CNTNAP5: variants seen among roughly 807,000 people sequenced by gnomAD.
CNTNAP5 encodes contactin-associated protein-like 5.
CNTNAP5 carries 72 observed loss-of-function variants against 150.2 expected under a neutral mutation model. That is an observed-to-expected ratio of 0.48 (90% CI 0.40 to 0.58). CNTNAP5 has a LOEUF of 0.58. Among genes scored for constraint, CNTNAP5 ranks in the 20% least tolerant of loss-of-function variants. The pLI, the probability that CNTNAP5 is intolerant of heterozygous loss-of-function variation, is 0.00. For missense variants in CNTNAP5, 1,636 were observed against 1,626.2 expected, an observed-to-expected ratio of 1.01 and a Z score of -0.10; for synonymous variants, 672 against 619.8, an observed-to-expected ratio of 1.08 and a Z score of -1.25.
chr2:124,310,810 G>T (rs555664704), intron 3 of CNTNAP5, among the ~76,000 whole-genome samples: 1 of 152,236 alleles, frequency 6.6e-6, no homozygotes, highest in South Asian at 2.1e-4. Flanking sequence ...CTCATGAACC[G>T]CACTTGCAGT....
chr2:124,885,937 TATGTATTTATTTAAATAC>T (rs1678071518), intron 21 of CNTNAP5, among the ~76,000 whole-genome samples: 1 of 152,048 alleles, frequency 6.6e-6, no homozygotes, highest in South Asian at 2.1e-4. Context: ...CATGTGTATA[TATGTATTTATTTAAATAC>T]CTGTTTTTAA....
intron 1 of CNTNAP5, among the ~76,000 whole-genome samples, chr2:124,193,597 G>A (rs942055848): frequency 6.6e-6 from 1 of 152,174 alleles, no homozygotes; most frequent in Non-Finnish European, 1.5e-5. Flanking sequence ...ATTCCTGATT[G>A]TGAAAAGCAA....
intron 21 of CNTNAP5, among the ~76,000 whole-genome samples, chr2:124,889,259 C>A (rs1250350282): frequency 6.6e-6 from 1 of 151,604 alleles, no homozygotes; most frequent in Non-Finnish European, 1.5e-5. Flanking sequence ...ACCATCATGC[C>A]TGGCTAATTT....
At position 124,025,465 on chromosome 2, in the gene CNTNAP5, C is replaced by T; in HGVS notation, c.-186C>T. 1.6e-6 allele frequency: 1 copy of T among 609,920 alleles called. No homozygotes were observed. The highest frequency in any genetic ancestry group is 2.8e-5 in the East Asian group (1 of 35,878). The allele number at this position is 609,920 out of a possible 1,614,324, so 37.8% of individuals were successfully genotyped here. A position where few individuals can be genotyped will look rare whatever the true frequency, so the allele number is the denominator to read the frequency against. On this transcript the variant is annotated 5_prime_UTR_variant, in exon 1 of 24. Transcript: ENST00000682447. ...GGGACCGTAGCCCCAGCTGCAGCTC[C>T]GAAGAATCCCCCGCCACGGTTTCGG...
At position 124,434,492 on chromosome 2, in the gene CNTNAP5, G is replaced by A. The variant is rs774298612; in HGVS notation, c.538G>A (p.Val180Ile). Residue 180 changes from valine to isoleucine, a missense_variant, in exon 5 of 24, where the codon GTT (valine) becomes ATT (isoleucine). Coordinates refer to ENST00000682447, the MANE Select transcript of CNTNAP5 (RefSeq NM_001367498.1). Reference sequence around the variant, plus strand: ...TCCTTCTTTGTTCCCAGAATCAGATGTTGCTGACTTTGATGGCCGAAGCTC... The same window carrying A: ...TCCTTCTTTGTTCCCAGAATCAGATATTGCTGACTTTGATGGCCGAAGCTC... ...EVYGCSYKSD[V>I]ADFDGRSSLL... The A allele has an allele frequency of 1.9e-5, 30 of 1,613,466 alleles. No homozygotes were observed. Among genetic ancestry groups the A allele is most frequent in the Middle Eastern group, 1.6e-4 (1 of 6,084 alleles).
intron 3 of CNTNAP5, among the ~76,000 whole-genome samples, chr2:124,317,529 T>C (rs770617670): frequency 5.9e-5 from 9 of 152,120 alleles, no homozygotes; most frequent in Non-Finnish European, 1.3e-4. Flanking sequence ...ATCTACATTA[T>C]CTTTCTCAAA....
At chr2:124,759,714 A>G (rs996752161) in intron 14 of CNTNAP5, among the ~76,000 whole-genome samples, 10 of 152,032 alleles carry the variant, frequency 6.6e-5, no homozygotes, top group African/African-American at 2.4e-4. Context: ...TTTTAAATAC[A>G]TACTTTATTT....
At chr2:124,165,797 A>G (rs1215940769) in intron 1 of CNTNAP5, among the ~76,000 whole-genome samples, 1 of 152,182 alleles carries the variant, frequency 6.6e-6, no homozygotes, top group Non-Finnish European at 1.5e-5. Flanking sequence ...ACGATTAAAA[A>G]TCAGAAATTT....
intron 21 of CNTNAP5, among the ~76,000 whole-genome samples, chr2:124,887,614 G>C (rs1262750452): frequency 6.6e-6 from 1 of 152,094 alleles, no homozygotes; most frequent in East Asian, 1.9e-4. Flanking sequence ...TAAATATTTA[G>C]GTGCCATATG....
chr2:124,244,893 C>T (rs2104772013), intron 3 of CNTNAP5, among the ~76,000 whole-genome samples: 1 of 152,280 alleles, frequency 6.6e-6, no homozygotes, highest in South Asian at 2.1e-4. Context: ...GAACAAGAGG[C>T]TTGAGGCTCA....
intron 3 of CNTNAP5, among the ~76,000 whole-genome samples, chr2:124,300,776 C>A (rs1171985716): frequency 5.3e-5 from 8 of 152,180 alleles, no homozygotes; most frequent in Admixed American, 5.2e-4. Context: ...GCCTGAGGGA[C>A]AACAGCAGCT....
At chr2:124,567,041 T>C (rs2104934749) in intron 11 of CNTNAP5, among the ~76,000 whole-genome samples, 1 of 152,338 alleles carries the variant, frequency 6.6e-6, no homozygotes, top group Admixed American at 6.5e-5. Flanking sequence ...AAATTATTTA[T>C]AATAATTTCT....
At chr2:124,250,198 G>A (rs1045444393) in intron 3 of CNTNAP5, among the ~76,000 whole-genome samples, 2 of 152,160 alleles carry the variant, frequency 1.3e-5, no homozygotes, top group African/African-American at 4.8e-5. Flanking sequence ...CACAGAACAT[G>A]TCAAGGCAAG....
intron 11 of CNTNAP5, among the ~76,000 whole-genome samples, chr2:124,565,333 A>C (rs1294678889): frequency 2.0e-5 from 3 of 152,306 alleles, no homozygotes; most frequent in Admixed American, 2.0e-4. Flanking sequence ...AGTAACTAGA[A>C]GAGTATCATT....
chr2:124,146,858 T>G (rs1262735140), intron 1 of CNTNAP5, among the ~76,000 whole-genome samples: 1 of 152,228 alleles, frequency 6.6e-6, no homozygotes, highest in Non-Finnish European at 1.5e-5. Context: ...TATTATCTCA[T>G]TAAATGTGGT....
chr2:124,365,821 A>C (rs1006112636), intron 3 of CNTNAP5, among the ~76,000 whole-genome samples: 3 of 152,234 alleles, frequency 2.0e-5, no homozygotes, highest in Non-Finnish European at 4.4e-5. Context: ...GTGTATGCTG[A>C]ATCTGAAGAT....
chr2:124,177,938 C>T (rs537120003), intron 1 of CNTNAP5, among the ~76,000 whole-genome samples: 1 of 151,550 alleles, frequency 6.6e-6, no homozygotes, highest in South Asian at 2.1e-4. Context: ...CCTCTGCCTC[C>T]TGGGTTCAAG....
chr2:124,170,242 A>G (rs539710721), intron 1 of CNTNAP5, among the ~76,000 whole-genome samples: 3 of 134,796 alleles, frequency 2.2e-5, no homozygotes, highest in East Asian at 4.4e-4. Context: ...TCTTAAATAT[A>G]TATATATATG....
intron 6 of CNTNAP5, among the ~76,000 whole-genome samples, chr2:124,453,646 A>G (rs929877649): frequency 5.3e-5 from 8 of 152,348 alleles, no homozygotes; most frequent in East Asian, 1.9e-4. Flanking sequence ...ACACCAGGTA[A>G]CCTACAAAGG....
Sources: gnomAD v4.1 joint callset for allele counts (sites outside exome capture counted in the v4.1 genomes callset) on GRCh38, gnomAD v4.1.1 for gene constraint, MANE v1.5 for transcripts, NCBI Gene and HGNC (gene_info 2026-07-23, HGNC 2026-07-21) for gene names.